The following ACER3 variants were observed in gnomAD, a reference collection of about 807,000 sequenced individuals.
ACER3 encodes alkCDase 3.
A neutral mutation model predicts 48.9 loss-of-function variants in ACER3; 16 were observed. The observed-to-expected ratio is 0.33, with a 90% CI of 0.22 to 0.50. ACER3 has a LOEUF of 0.50. Among genes scored for constraint, ACER3 ranks in the 20% least tolerant of loss-of-function variants. The probability of loss-of-function intolerance (pLI) is 0.98; values close to 1 mark genes in which losing one functional copy is unlikely to be tolerated. For synonymous variants in ACER3, 109 were observed against 107.8 expected (o/e 1.01, Z -0.07); for missense variants, 227 against 326.0 (o/e 0.70, Z 2.34).
At chr11:76,903,332 C>A (rs1211934138) in intron 1 of ACER3, among the ~76,000 whole-genome samples, 1 of 152,148 alleles carries the variant, frequency 6.6e-6, no homozygotes, top group Non-Finnish European at 1.5e-5. Flanking sequence ...CCTTTATCAA[C>A]TATACCAAGC....
intron 1 of ACER3, among the ~76,000 whole-genome samples, chr11:76,875,141 A>T (rs1212741609): frequency 1.1e-5 from 1 of 90,426 alleles, no homozygotes; most frequent in Non-Finnish European, 2.2e-5. Flanking sequence ...TTTAGATGGA[A>T]TCTCACTCTG....
Position 76,965,599 on chromosome 11 carries a change from C to A in ACER3, c.267+6568C>A, listed in dbSNP as rs575186415. 3.0e-4 allele frequency among the ~76,000 whole-genome samples: 46 copies of A among 151,514 alleles called. 1 individual carries two copies. The East Asian group carries it at 6.6e-3, about 22-fold the overall frequency. On this transcript the variant is annotated intron_variant, in intron 3 of 10. Transcript: ENST00000532485. Reference sequence around the variant, plus strand: ...CACAAAGGGAAGCCCATCAGACTAACAGCTGATCTCTCAGCAGAAACTCTA... The same window carrying A: ...CACAAAGGGAAGCCCATCAGACTAAAAGCTGATCTCTCAGCAGAAACTCTA...
At chr11:76,972,790 G>A (rs1948339853) in intron 3 of ACER3, among the ~76,000 whole-genome samples, 1 of 152,168 alleles carries the variant, frequency 6.6e-6, no homozygotes, top group Admixed American at 6.5e-5. Context: ...ATGTACCAGG[G>A]GGTGAAGGTC....
At chr11:76,910,599 T>G (rs1946353865) in intron 1 of ACER3, among the ~76,000 whole-genome samples, 2 of 152,146 alleles carry the variant, frequency 1.3e-5, no homozygotes, top group African/African-American at 4.8e-5. Flanking sequence ...GTAACTTGGA[T>G]AAACATTTCG....
At chr11:76,868,849 A>G (rs1434363545) in intron 1 of ACER3, among the ~76,000 whole-genome samples, 4 of 152,224 alleles carry the variant, frequency 2.6e-5, no homozygotes, top group Non-Finnish European at 5.9e-5. Context: ...GAACTTCTGG[A>G]TAGCTGAACA....
intron 1 of ACER3, among the ~76,000 whole-genome samples, chr11:76,865,290 G>A (rs1304472502): frequency 6.6e-6 from 1 of 151,378 alleles, no homozygotes; most frequent in Non-Finnish European, 1.5e-5. Context: ...CAGCCGGGAT[G>A]AGTACTATCC....
chr11:76,967,046 T>C (rs2135098244), intron 3 of ACER3, among the ~76,000 whole-genome samples: 1 of 151,890 alleles, frequency 6.6e-6, no homozygotes, highest in East Asian at 1.9e-4. Flanking sequence ...ATCAACAAAA[T>C]TGATAGACCG....
chr11:77,000,780 C>T (rs1949017329), intron 7 of ACER3, among the ~76,000 whole-genome samples: 1 of 152,122 alleles, frequency 6.6e-6, no homozygotes, highest in Admixed American at 6.6e-5. Flanking sequence ...TGTGTCTCCC[C>T]CTCCACCAAT....
chr11:77,004,027 G>T (rs1473895646), intron 7 of ACER3, among the ~76,000 whole-genome samples: 1 of 152,164 alleles, frequency 6.6e-6, no homozygotes, highest in African/African-American at 2.4e-5. Flanking sequence ...AAAAGAATAT[G>T]TATTCTGCTA....
Position 76,922,931 on chromosome 11 carries a change from C to A in ACER3, c.104-3626C>A, listed in dbSNP as rs144819027. Among the ~76,000 whole-genome samples, 383 of 152,178 alleles carry A rather than the reference C, an allele frequency of 2.5e-3. 2 individuals carry two copies. The highest frequency in any genetic ancestry group is 8.8e-3 in the African/African-American group (366 of 41,524). ...TTGTTCCTTTCTCTCCTTTCAGGGT[C>A]TAGCTCAAATCTTAATACATCTATG... On this transcript the variant is annotated intron_variant, in intron 1 of 10. Coordinates refer to ENST00000532485, the MANE Select transcript of ACER3 (RefSeq NM_018367.7).
intron 7 of ACER3, among the ~76,000 whole-genome samples, chr11:77,005,996 T>TATATATATATATACGTATATATA (rs1272310391): frequency 1.1e-5 from 1 of 88,906 alleles, no homozygotes; most frequent in African/African-American, 3.4e-5. Flanking sequence ...TATATATTTT[T>TATATATATATATACGTATATATA]TTTTTTTTTT....
intron 1 of ACER3, among the ~76,000 whole-genome samples, chr11:76,906,197 C>T (rs1044555253): frequency 6.6e-6 from 1 of 152,194 alleles, no homozygotes; most frequent in South Asian, 2.1e-4. Flanking sequence ...CTGAAACTGC[C>T]TTTGTAAGAC....
intron 5 of ACER3, among the ~76,000 whole-genome samples, chr11:76,988,864 T>C (rs1225308358): frequency 6.6e-6 from 1 of 152,198 alleles, no homozygotes; most frequent in East Asian, 1.9e-4. Context: ...TGAAGTCAGA[T>C]TTAAGTTTGG....
chr11:76,959,065 C>T lies in ACER3; in HGVS notation c.267+34C>T, dbSNP rs182819789. 3.5e-4 allele frequency: 560 copies of T among 1,613,328 alleles called. 5 individuals are homozygous for T. Among genetic ancestry groups the T allele is most frequent in the Admixed American group, 7.2e-4 (43 of 60,004 alleles). On this transcript the variant is annotated intron_variant, in intron 3 of 10. Transcript: ENST00000532485. Reference sequence around the variant, plus strand: ...TGATGAAATTGACAAATGCTTATTTCTCTTAATTCAGAAGTACTTCAGATT... The same window carrying T: ...TGATGAAATTGACAAATGCTTATTTTTCTTAATTCAGAAGTACTTCAGATT...
intron 1 of ACER3, among the ~76,000 whole-genome samples, chr11:76,902,040 C>T (rs990471720): frequency 2.7e-5 from 3 of 110,524 alleles, no homozygotes; most frequent in Admixed American, 2.6e-4. Context: ...ATAAATGTCC[C>T]TTGTGGCATT....
chr11:76,886,679 G>C (rs1945680086), intron 1 of ACER3, among the ~76,000 whole-genome samples: 1 of 152,114 alleles, frequency 6.6e-6, no homozygotes, highest in South Asian at 2.1e-4. Flanking sequence ...TACTATGGGG[G>C]TTTTGCTGTT....
chr11:76,994,065 G>T (rs1948861583), intron 6 of ACER3: 1 of 423,978 alleles, frequency 2.4e-6, no homozygotes, highest in Non-Finnish European at 4.6e-6. Context: ...CAGAATCAGT[G>T]ACTGCATCTG....
At chr11:76,957,362 T>C (rs1248934671) in intron 2 of ACER3, 1 of 307,602 alleles carries the variant, frequency 3.3e-6, no homozygotes. Context: ...TTTTAAATTT[T>C]GGATATTAAA....
intron 2 of ACER3, among the ~76,000 whole-genome samples, chr11:76,944,924 G>A (rs1947434611): frequency 6.6e-6 from 1 of 151,110 alleles, no homozygotes; most frequent in Admixed American, 6.6e-5. Flanking sequence ...CCCTATTTTT[G>A]TCTGATTGGA....
Sources: allele counts gnomAD v4.1 joint callset (sites outside exome capture counted in the v4.1 genomes callset), GRCh38; gene constraint gnomAD v4.1.1; transcripts MANE v1.5; gene names NCBI Gene and HGNC (gene_info 2026-07-23, HGNC 2026-07-21).